Variants in GRID2 observed in about 807,000 individuals in gnomAD.
The protein encoded by GRID2 is glutamate receptor ionotropic, delta-2.
In GRID2, 33 loss-of-function variants were observed where a neutral mutation model predicts 114.8. That is an observed-to-expected ratio of 0.29 (90% CI 0.22 to 0.38). The LOEUF (loss-of-function observed/expected upper bound fraction) is 0.38, where lower values mean the gene tolerates loss of function less well. Among genes scored for constraint, GRID2 ranks in the 10% least tolerant of loss-of-function variants. GRID2 has a pLI of 1.00. For synonymous variants in GRID2, 505 were observed against 449.9 expected, an observed-to-expected ratio of 1.12 and a Z score of -1.55; for missense variants, 1,184 against 1,257.7, an observed-to-expected ratio of 0.94 and a Z score of 0.89.
intron 13 of GRID2, among the ~76,000 whole-genome samples, chr4:93,554,957 G>A (rs953005485): frequency 2.0e-5 from 3 of 152,126 alleles, no homozygotes; most frequent in Non-Finnish European, 2.9e-5. Context: ...CGTACAGAGT[G>A]CAAGCTGAAG....
At chr4:92,873,042 A>G (rs1242755751) in intron 2 of GRID2, among the ~76,000 whole-genome samples, 1 of 152,216 alleles carries the variant, frequency 6.6e-6, no homozygotes, top group Non-Finnish European at 1.5e-5. Context: ...AACAGAAAAT[A>G]TAGTATTATA....
intron 13 of GRID2, among the ~76,000 whole-genome samples, chr4:93,608,124 GTA>G (rs1036990142): frequency 6.8e-6 from 1 of 148,134 alleles, no homozygotes; most frequent in Non-Finnish European, 1.5e-5. Flanking sequence ...ACATATATGT[GTA>G]TATATATACG....
At chr4:93,195,118 T>G (rs1741361446) in intron 4 of GRID2, among the ~76,000 whole-genome samples, 1 of 152,200 alleles carries the variant, frequency 6.6e-6, no homozygotes, top group African/African-American at 2.4e-5. Flanking sequence ...ACAAGTATCT[T>G]TATTTTAACT....
At chr4:92,839,269 T>G (rs987258456) in intron 2 of GRID2, among the ~76,000 whole-genome samples, 2 of 151,540 alleles carry the variant, frequency 1.3e-5, no homozygotes, top group Non-Finnish European at 2.9e-5. Flanking sequence ...GTTGTAAGAG[T>G]TCTTTTTTTT....
chr4:93,172,568 G>C (rs1282932298), intron 4 of GRID2, among the ~76,000 whole-genome samples: 1 of 152,000 alleles, frequency 6.6e-6, no homozygotes, highest in South Asian at 2.1e-4. Context: ...CTCCAGCCTG[G>C]GCGACAGGGC....
chr4:93,607,498 C>G (rs938935306), intron 13 of GRID2, among the ~76,000 whole-genome samples: 2 of 152,032 alleles, frequency 1.3e-5, no homozygotes, highest in Admixed American at 1.3e-4. Context: ...AACAATGATG[C>G]ACTGAGTATT....
intron 2 of GRID2, among the ~76,000 whole-genome samples, chr4:92,858,531 A>C (rs1028662795): frequency 6.6e-6 from 1 of 152,120 alleles, no homozygotes; most frequent in Non-Finnish European, 1.5e-5. Flanking sequence ...TCTTATGATA[A>C]AATTTTAATG....
At chr4:93,666,094 T>C (rs1323020010) in intron 14 of GRID2, among the ~76,000 whole-genome samples, 1 of 152,114 alleles carries the variant, frequency 6.6e-6, no homozygotes, top group African/African-American at 2.4e-5. Flanking sequence ...TTGAATGTAA[T>C]AGATGATCAG....
intron 2 of GRID2, among the ~76,000 whole-genome samples, chr4:92,980,329 A>G (rs1754114094): frequency 6.6e-6 from 1 of 152,034 alleles, no homozygotes; most frequent in African/African-American, 2.4e-5. Context: ...ATGAGAATTT[A>G]AAATTTTGAC....
At chr4:93,530,732 T>G (rs1731358637) in intron 13 of GRID2, among the ~76,000 whole-genome samples, 1 of 152,162 alleles carries the variant, frequency 6.6e-6, no homozygotes, top group Non-Finnish European at 1.5e-5. Flanking sequence ...CATACCTGAT[T>G]CATCAGTGTA....
chr4:93,174,629 A>G (rs1409158842), intron 4 of GRID2, among the ~76,000 whole-genome samples: 1 of 152,118 alleles, frequency 6.6e-6, no homozygotes, highest in Non-Finnish European at 1.5e-5. Context: ...AAGTAGAGGA[A>G]GAGAGATTTC....
intron 2 of GRID2, among the ~76,000 whole-genome samples, chr4:92,809,280 A>T (rs1265271371): frequency 6.6e-6 from 1 of 152,142 alleles, no homozygotes; most frequent in African/African-American, 2.4e-5. Context: ...CCTTAGGAGT[A>T]TGAAAATAAT....
At chr4:93,130,968 G>C (rs1734742083) in intron 4 of GRID2, among the ~76,000 whole-genome samples, 1 of 151,948 alleles carries the variant, frequency 6.6e-6, no homozygotes, top group Non-Finnish European at 1.5e-5. Flanking sequence ...CTTTCTATGA[G>C]AGTGTCTCAC....
At chr4:93,261,802 A>G (rs1448189301) in intron 8 of GRID2, among the ~76,000 whole-genome samples, 1 of 151,566 alleles carries the variant, frequency 6.6e-6, no homozygotes, top group Non-Finnish European at 1.5e-5. Flanking sequence ...TTTTCTGTAA[A>G]TATTTTAGGC....
intron 9 of GRID2, among the ~76,000 whole-genome samples, chr4:93,396,593 C>T (rs1186331190): frequency 6.6e-6 from 1 of 151,804 alleles, no homozygotes; most frequent in Non-Finnish European, 1.5e-5. Flanking sequence ...TTTTTTGGAC[C>T]ATGGCTGATT....
chr4:92,545,173 A>G (rs1726180297), intron 1 of GRID2, among the ~76,000 whole-genome samples: 1 of 151,762 alleles, frequency 6.6e-6, no homozygotes, highest in Non-Finnish European at 1.5e-5. Flanking sequence ...ATGAAATGAA[A>G]ACCTATTTTC....
chr4:92,395,727 T>C (rs570619898), intron 1 of GRID2, among the ~76,000 whole-genome samples: 3 of 151,946 alleles, frequency 2.0e-5, no homozygotes, highest in Admixed American at 6.6e-5. Context: ...ATTGTATACA[T>C]ATGTGTCATA....
intron 8 of GRID2, among the ~76,000 whole-genome samples, chr4:93,285,068 A>C (rs1205331309): frequency 6.6e-6 from 1 of 152,098 alleles, no homozygotes; most frequent in African/African-American, 2.4e-5. Flanking sequence ...GACTTCATAT[A>C]CTATACCAGC....
chr4:93,227,819 A>G (rs1745673433), intron 7 of GRID2, among the ~76,000 whole-genome samples: 1 of 152,212 alleles, frequency 6.6e-6, no homozygotes, highest in South Asian at 2.1e-4. Flanking sequence ...ATGGCTTTCA[A>G]TCCAGTTTCC....
Sources: allele counts gnomAD v4.1 joint callset (sites outside exome capture counted in the v4.1 genomes callset), GRCh38; gene constraint gnomAD v4.1.1; transcripts MANE v1.5; gene names NCBI Gene and HGNC (gene_info 2026-07-23, HGNC 2026-07-21).